Variants in CENPK observed in about 807,000 individuals in gnomAD.
The protein encoded by CENPK is centromere protein K, also known as SoxLZ/Sox6-binding protein Solt.
In CENPK, 46 loss-of-function variants were observed where a neutral mutation model predicts 40.9. The observed-to-expected ratio is 1.13, with a 90% CI of 0.89 to 1.44. The LOEUF (loss-of-function observed/expected upper bound fraction) is 1.44. CENPK is among the 40% of genes most tolerant of loss of function. The pLI, the probability that CENPK is intolerant of heterozygous loss-of-function variation, is 0.00. For synonymous variants in CENPK, 107 were observed against 104.4 expected (o/e 1.02, Z -0.15); for missense variants, 288 against 303.5 (o/e 0.95, Z 0.38).
At chr5:65,532,224 G>C (rs1421743515) in intron 6 of CENPK, among the ~76,000 whole-genome samples, 1 of 152,152 alleles carries the variant, frequency 6.6e-6, no homozygotes, top group Non-Finnish European at 1.5e-5. Context: ...AATAGAATTT[G>C]TAATTACAAA....
chr5:65,536,360 T>C (rs937973026), intron 6 of CENPK, among the ~76,000 whole-genome samples: 3 of 152,138 alleles, frequency 2.0e-5, no homozygotes, highest in Admixed American at 6.5e-5. Flanking sequence ...ACGCCTGTAA[T>C]CTCAGCACTT....
chr5:65,561,362 C>T (rs1337835802), intron 2 of CENPK, 101 bp downstream of exon 2: 3 of 292,288 alleles, frequency 1.0e-5, no homozygotes, highest in Admixed American at 7.0e-5. Context: ...GTGGTGGGGG[C>T]GGAGGGTGAG....
chr5:65,552,645 T>C, intron 3 of CENPK, 96 bp from the exon 4 acceptor site: 1 of 612,384 alleles, frequency 1.6e-6, no homozygotes, highest in Middle Eastern at 2.7e-4. Flanking sequence ...ATAACACTCT[T>C]CTAAAGCACA....
At chr5:65,508,112 G>A in the CENPK span, among the ~76,000 whole-genome samples, 1 of 152,106 alleles carries the variant, frequency 6.6e-6, no homozygotes, top group Admixed American at 6.6e-5. Flanking sequence ...TGTCTGCTGG[G>A]TTTCTCCACT....
chr5:65,542,712 T>G, intron 6 of CENPK, 90 bp downstream of exon 6: 1 of 917,498 alleles, frequency 1.1e-6, no homozygotes, highest in Non-Finnish European at 1.7e-6. Context: ...TTTAGAGTGG[T>G]TTTATCCTAT....
chr5:65,499,662 T>TA, the CENPK span, among the ~76,000 whole-genome samples: 2 of 97,240 alleles, frequency 2.1e-5, no homozygotes, highest in East Asian at 4.3e-4. Context: ...TTTTTTTTTT[T>TA]TTTAATTTTT....
intron 5 of CENPK, 106 bp from the exon 6 acceptor site, chr5:65,542,954 A>G: frequency 3.3e-6 from 3 of 908,904 alleles, no homozygotes; most frequent in Non-Finnish European, 5.0e-6. Context: ...ATCTCCATTT[A>G]TATAATATAC....
chr5:65,515,070 C>T (rs1296575851), downstream of CENPK, among the ~76,000 whole-genome samples: 1 of 143,830 alleles, frequency 7.0e-6, no homozygotes, highest in African/African-American at 2.4e-5. Context: ...CTTCTGCTTA[C>T]TTTGGATTTA....
intron 6 of CENPK, among the ~76,000 whole-genome samples, chr5:65,534,474 T>C (rs1310291063): frequency 6.6e-6 from 1 of 152,046 alleles, no homozygotes; most frequent in African/African-American, 2.4e-5. Context: ...AAAGCTTTGG[T>C]AAAAAACATA....
chr5:65,535,223 C>T (rs1429191387), intron 6 of CENPK, among the ~76,000 whole-genome samples: 4 of 152,004 alleles, frequency 2.6e-5, no homozygotes, highest in African/African-American at 9.7e-5. Flanking sequence ...CAGAACAAAA[C>T]CCTGTCGAGG....
At chr5:65,539,099 C>T (rs1453247861) in intron 6 of CENPK, among the ~76,000 whole-genome samples, 1 of 152,204 alleles carries the variant, frequency 6.6e-6, no homozygotes, top group Non-Finnish European at 1.5e-5. Flanking sequence ...ACCTTATGAA[C>T]TGACACTTTA....
chr5:65,509,095 T>C, the CENPK span, among the ~76,000 whole-genome samples: 1 of 152,174 alleles, frequency 6.6e-6, no homozygotes, highest in Admixed American at 6.6e-5. Context: ...GGCAAAAGAA[T>C]TCCATTTGAT....
intron 9 of CENPK, among the ~76,000 whole-genome samples, chr5:65,522,249 T>C (rs915425678): frequency 1.1e-4 from 16 of 152,206 alleles, no homozygotes; most frequent in African/African-American, 3.6e-4. Flanking sequence ...CATCTTTCTA[T>C]AGCTCTTGAC....
chr5:65,502,453 G>A, the CENPK span, among the ~76,000 whole-genome samples: 137 of 152,256 alleles, frequency 9.0e-4, no homozygotes, highest in African/African-American at 2.6e-3. Context: ...ATTAACAGGA[G>A]GAATAGAGAG....
chr5:65,535,034 T>C (rs892300808), intron 6 of CENPK, among the ~76,000 whole-genome samples: 5 of 152,178 alleles, frequency 3.3e-5, no homozygotes, highest in Middle Eastern at 6.8e-3. Flanking sequence ...CTGGGCAACA[T>C]TGCAAATCCC....
chr5:65,513,948 C>T (rs975694045), downstream of CENPK, among the ~76,000 whole-genome samples: 22 of 152,014 alleles, frequency 1.4e-4, no homozygotes, highest in African/African-American at 5.1e-4. Flanking sequence ...TTTTGTCAAA[C>T]GGCTTTTCTG....
At chr5:65,546,617 T>G (rs1016741208) in intron 5 of CENPK, among the ~76,000 whole-genome samples, 7 of 152,220 alleles carry the variant, frequency 4.6e-5, no homozygotes, top group Non-Finnish European at 7.3e-5. Context: ...TGACTGTATT[T>G]GGAATTGGGT....
intron 6 of CENPK, among the ~76,000 whole-genome samples, chr5:65,532,904 C>T (rs1158438619): frequency 2.6e-5 from 1 of 38,714 alleles, no homozygotes. Context: ...AGCGAAACTC[C>T]ATCTCCAAAA....
chr5:65,556,081 A>T (rs1034005443), intron 2 of CENPK, among the ~76,000 whole-genome samples: 2 of 152,134 alleles, frequency 1.3e-5, no homozygotes, highest in Non-Finnish European at 2.9e-5. Context: ...GATGATCCTG[A>T]CCTTGCCTTA....
Sources: allele counts gnomAD v4.1 joint callset (sites outside exome capture counted in the v4.1 genomes callset), GRCh38; gene constraint gnomAD v4.1.1; transcripts MANE v1.5; gene names NCBI Gene and HGNC (gene_info 2026-07-23, HGNC 2026-07-21).